MGAM: variants seen among roughly 807,000 people sequenced by gnomAD.
MGAM encodes alpha-1,4-glucosidase.
Under a neutral mutation model 358.8 loss-of-function variants are expected in MGAM, and 253 were observed. That is an observed-to-expected ratio of 0.71 (90% CI 0.64 to 0.78). The LOEUF is 0.78. MGAM is among the 30% of genes least tolerant of loss of function. The probability of loss-of-function intolerance (pLI) is 0.00; values close to 1 mark genes in which losing one functional copy is unlikely to be tolerated. For synonymous variants in MGAM, 1,105 were observed against 1,227.1 expected (o/e 0.90, Z 2.08); for missense variants, 3,080 against 3,432.6 (o/e 0.90, Z 2.57).
chr7:142,104,283 C>T (rs1816669822), intron 70 of MGAM, among the ~76,000 whole-genome samples: 1 of 152,028 alleles, frequency 6.6e-6, no homozygotes, highest in Non-Finnish European at 1.5e-5. Context: ...ATGATTCTGC[C>T]TCAACGTAAT....
rs1814866102 is a variant in MGAM at position 142,087,442 on chromosome 7, ATGTGTGTC to A, written c.6810+727_6810+734del. ...GCTACGGCCCCATCCTCTGGCCAAG[ATGTGTGTC>A]TCCTGAACTGAGGCAGCCTGTGTGC... On this transcript the variant is annotated intron_variant, in intron 57 of 70. Transcript: ENST00000475668. 2.1e-5 allele frequency among the ~76,000 whole-genome samples: 3 copies of A among 146,086 alleles called. 1 individual carries two copies. The East Asian group carries it at 6.1e-4, about 30-fold the overall frequency.
intron 33 of MGAM, 105 bp from the exon 34 acceptor site, chr7:142,060,206 A>G: frequency 3.4e-6 from 5 of 1,475,106 alleles, no homozygotes; most frequent in Non-Finnish European, 4.7e-6. Flanking sequence ...TGATAGTCAA[A>G]GTATTATTGC....
chr7:142,096,547 T>C (rs1815930456), intron 65 of MGAM, 132 bp downstream of exon 65: 14 of 1,076,306 alleles, frequency 1.3e-5, no homozygotes, highest in Non-Finnish European at 1.9e-5. Flanking sequence ...TCTTCCTCTC[T>C]TTCTGAGCTG....
At chr7:142,072,240 A>G (rs1056195057) in intron 44 of MGAM, among the ~76,000 whole-genome samples, 22 of 145,818 alleles carry the variant, frequency 1.5e-4, no homozygotes, top group African/African-American at 4.6e-4. Flanking sequence ...CTCCTGCCAT[A>G]CCTCCATGTA....
At chr7:142,041,992 A>G (rs568593887) in intron 21 of MGAM, among the ~76,000 whole-genome samples, 1,465 of 14,174 alleles carry the variant, frequency 0.1, 94 homozygotes, top group Non-Finnish European at 0.14. Flanking sequence ...AATATAATAT[A>G]TATATATTAT....
At chr7:142,088,747 GTCTATCTATCTA>G (rs60202972) in intron 57 of MGAM, among the ~76,000 whole-genome samples, 6,124 of 93,258 alleles carry the variant, frequency 0.066, 573 homozygotes, top group East Asian at 0.14. Context: ...CTGTCTGTCT[GTCTATCTATCTA>G]TCTATCTATC....
chr7:142,085,388 A>G (rs1200897374), intron 54 of MGAM, among the ~76,000 whole-genome samples: 3 of 146,130 alleles, frequency 2.1e-5, no homozygotes, highest in Non-Finnish European at 4.6e-5. Flanking sequence ...GCAACTGTAC[A>G]TTGTTGCTTT....
rs1378388822 is a variant in MGAM at position 142,097,470 on chromosome 7, C to T, written c.7693-123C>T. ...GGAAGGTTTCCTCAATAGGTGACCTCCTGGGACATGAGGCAAGTGGGCCCA... is the reference window on the plus strand; with the variant it reads ...GGAAGGTTTCCTCAATAGGTGACCTTCTGGGACATGAGGCAAGTGGGCCCA... On this transcript the variant is annotated intron_variant, in intron 65 of 70. Transcript: ENST00000475668. 32 of 908,228 alleles carry T rather than the reference C, an allele frequency of 3.5e-5. 1 individual carries two copies. In the East Asian group the frequency reaches 7.5e-4, roughly 21 times the overall value. The allele number at this position is 908,228 out of a possible 1,614,324, so 56.3% of individuals were successfully genotyped here. A position where few individuals can be genotyped will look rare whatever the true frequency, so the allele number is the denominator to read the frequency against.
intron 34 of MGAM, among the ~76,000 whole-genome samples, chr7:142,060,849 C>T (rs549862226): frequency 6.6e-6 from 1 of 152,070 alleles, no homozygotes; most frequent in Admixed American, 6.5e-5. Context: ...CAGGTGTCTC[C>T]ATCTTCATAC....
At chr7:142,074,194 G>A in intron 45 of MGAM, 21 bp downstream of exon 45, 2 of 1,464,008 alleles carry the variant, frequency 1.4e-6, no homozygotes, top group Non-Finnish European at 1.9e-6. Flanking sequence ...TTACAATAAT[G>A]TTGCTGTTTC....
intron 45 of MGAM, among the ~76,000 whole-genome samples, chr7:142,075,569 A>G (rs992718790): frequency 6.8e-6 from 1 of 146,532 alleles, no homozygotes; most frequent in Non-Finnish European, 1.5e-5. Context: ...AAAAATAAGG[A>G]ACATATGCAA....
chr7:142,089,674 C>A (rs1815182236), intron 57 of MGAM, among the ~76,000 whole-genome samples: 1 of 145,112 alleles, frequency 6.9e-6, no homozygotes, highest in Non-Finnish European at 1.6e-5. Context: ...GCCTGTAATC[C>A]CACTTAGGAG....
chr7:142,041,887 TA>T (rs1353251833), intron 21 of MGAM, among the ~76,000 whole-genome samples: 42 of 48,446 alleles, frequency 8.7e-4, no homozygotes, highest in East Asian at 6.5e-3. Flanking sequence ...TATATACGTA[TA>T]ATATATAATA....
At chr7:142,099,768 A>C in intron 67 of MGAM, 31 bp downstream of exon 67, 1 of 1,610,204 alleles carries the variant, frequency 6.2e-7, no homozygotes, top group Non-Finnish European at 8.5e-7. Context: ...TTTCCTTTAC[A>C]TGTCAGTTAG....
intron 3 of MGAM, among the ~76,000 whole-genome samples, chr7:142,016,123 A>G (rs1805943935): frequency 6.6e-6 from 1 of 152,126 alleles, no homozygotes; most frequent in African/African-American, 2.4e-5. Context: ...TGCTTTTGAC[A>G]TAAAGTACTT....
rs1365901983 is a variant in MGAM, at chr7:142,093,437, G to C, written c.7059G>C (p.Leu2353=). The part of the protein sequence containing the change: ...MPYLESRDRG[L]SSKTLCMESQ... Reference sequence around the variant, plus strand: ...ATTTGGAGTCCAGGGACAGGGGCCTGAGCAGCAAGACCCTGTGCATGGAGA... The same window carrying C: ...ATTTGGAGTCCAGGGACAGGGGCCTCAGCAGCAAGACCCTGTGCATGGAGA... The change falls in exon 60 of 71, where the codon CTG becomes CTC. Residue 2353 remains leucine (L), a synonymous_variant. Transcript: ENST00000475668. 2.6e-6 allele frequency: 4 copies of C among 1,537,992 alleles called. No homozygotes were observed. Among genetic ancestry groups the C allele is most frequent in the Non-Finnish European group, 2.7e-6 (3 of 1,123,388 alleles).
At chr7:142,028,814 G>C (rs539433060) in intron 10 of MGAM, among the ~76,000 whole-genome samples, 60 of 152,204 alleles carry the variant, frequency 3.9e-4, no homozygotes, top group Admixed American at 1.5e-3. Context: ...AAAGACGTTT[G>C]GGTGGATGAA....
intron 21 of MGAM, among the ~76,000 whole-genome samples, chr7:142,045,897 A>G (rs1456323914): frequency 9.5e-6 from 1 of 105,780 alleles, no homozygotes; most frequent in Non-Finnish European, 1.8e-5. Flanking sequence ...TATATTATGT[A>G]TACATACAAT....
intron 34 of MGAM, among the ~76,000 whole-genome samples, chr7:142,061,332 ATCTGGAGCTCTCAGT>A (rs1380550800): frequency 6.6e-6 from 1 of 152,018 alleles, no homozygotes; most frequent in Non-Finnish European, 1.5e-5. Flanking sequence ...ACCCTGCCTG[ATCTGGAGCTCTCAGT>A]TTCTGGTGAA....
Sources: gnomAD v4.1 joint callset for allele counts (sites outside exome capture counted in the v4.1 genomes callset) on GRCh38, gnomAD v4.1.1 for gene constraint, MANE v1.5 for transcripts, NCBI Gene and HGNC (gene_info 2026-07-23, HGNC 2026-07-21) for gene names.